The following ADAM32 variants were observed in gnomAD, a reference collection of about 807,000 sequenced individuals.
ADAM32 encodes disintegrin and metalloproteinase domain-containing protein 32.
A neutral mutation model predicts 114.9 loss-of-function variants in ADAM32; 89 were observed. That is an observed-to-expected ratio of 0.77 (90% CI 0.65 to 0.92). The LOEUF (loss-of-function observed/expected upper bound fraction) is 0.92. Among genes scored for constraint, ADAM32 ranks in the 40% least tolerant of loss-of-function variants. The probability of loss-of-function intolerance (pLI) is 0.00; values close to 1 mark genes in which losing one functional copy is unlikely to be tolerated. For missense variants in ADAM32, 870 were observed against 932.8 expected, an observed-to-expected ratio of 0.93 and a Z score of 0.88; for synonymous variants, 285 against 307.5, an observed-to-expected ratio of 0.93 and a Z score of 0.77.
chr8:39,194,942 A>G (rs1423450443), intron 11 of ADAM32, among the ~76,000 whole-genome samples: 2 of 152,144 alleles, frequency 1.3e-5, no homozygotes, highest in Non-Finnish European at 2.9e-5. Context: ...CTCCTGGCCA[A>G]CTCAAGCATC....
chr8:39,222,985 A>G (rs982216483), intron 13 of ADAM32, 55 bp from the exon 14 acceptor site: 21 of 1,412,766 alleles, frequency 1.5e-5, no homozygotes, highest in Admixed American at 2.9e-5. Context: ...GTAAATATTA[A>G]CAAACAGTAA....
At chr8:39,144,789 A>G (rs1176188799) in intron 3 of ADAM32, among the ~76,000 whole-genome samples, 1 of 152,246 alleles carries the variant, frequency 6.6e-6, no homozygotes, top group African/African-American at 2.4e-5. Context: ...TATTCAACAT[A>G]GTATTGGAAG....
At chr8:39,233,775 C>T (rs191801614) in intron 15 of ADAM32, 124 bp from the exon 16 acceptor site, 112 of 596,732 alleles carry the variant, frequency 1.9e-4, no homozygotes, top group Admixed American at 1.6e-3. Flanking sequence ...AAAACATTAA[C>T]GTTTTCTGTA....
intron 1 of ADAM32, among the ~76,000 whole-genome samples, chr8:39,116,252 T>G (rs1036173917): frequency 1.3e-5 from 2 of 152,192 alleles, no homozygotes; most frequent in Non-Finnish European, 2.9e-5. Flanking sequence ...TTTAGAATAG[T>G]TTTTTCTAAT....
chr8:39,188,762 G>A (rs373075663), intron 11 of ADAM32, among the ~76,000 whole-genome samples: 4 of 152,018 alleles, frequency 2.6e-5, no homozygotes, highest in African/African-American at 9.6e-5. Flanking sequence ...AAGTTCATGT[G>A]GTACTTTATA....
At chr8:39,284,390 C>CACACACACACGTACACACACAT (rs1813649356) in intron 24 of ADAM32, among the ~76,000 whole-genome samples, 1 of 151,884 alleles carries the variant, frequency 6.6e-6, no homozygotes. Flanking sequence ...CACACACACA[C>CACACACACACGTACACACACAT]ACACACACAC....
At chr8:39,270,741 C>A in intron 19 of ADAM32, 135 bp from the exon 20 acceptor site, 2 of 723,404 alleles carry the variant, frequency 2.8e-6, no homozygotes, top group South Asian at 1.8e-5. Context: ...GTTCATTGAC[C>A]TTTGGACAAT....
intron 23 of ADAM32, 37 bp from the exon 24 acceptor site, chr8:39,283,549 A>G (rs1283314321): frequency 6.6e-7 from 1 of 1,520,778 alleles, no homozygotes; most frequent in East Asian, 2.3e-5. Context: ...AGGTTGTATT[A>G]TATCAGCCTA....
intron 3 of ADAM32, among the ~76,000 whole-genome samples, chr8:39,138,944 A>G (rs1177452975): frequency 2.0e-5 from 3 of 152,106 alleles, no homozygotes; most frequent in Non-Finnish European, 4.4e-5. Context: ...GCATTTTTTC[A>G]TATGTCTGTT....
intron 16 of ADAM32, among the ~76,000 whole-genome samples, chr8:39,241,424 C>T (rs1251615730): frequency 6.6e-6 from 1 of 152,228 alleles, no homozygotes; most frequent in Non-Finnish European, 1.5e-5. Context: ...ATTTCCCTTC[C>T]ACACTGCTCT....
At chr8:39,231,379 G>GGGATT (rs57637359) in intron 14 of ADAM32, among the ~76,000 whole-genome samples, 151,733 of 152,208 alleles carry the variant, frequency 1, 75,632 homozygotes, top group Middle Eastern at 1. Context: ...ACCTCTGAAG[G>GGGATT]TAAACCTCAG....
chr8:39,152,544 A>G (rs1364291279), intron 6 of ADAM32, among the ~76,000 whole-genome samples: 2 of 151,706 alleles, frequency 1.3e-5, no homozygotes, highest in Non-Finnish European at 2.9e-5. Context: ...CAACATGGTG[A>G]AACCCCGTCT....
At chr8:39,138,744 A>G (rs1802960455) in intron 3 of ADAM32, among the ~76,000 whole-genome samples, 1 of 152,160 alleles carries the variant, frequency 6.6e-6, no homozygotes, top group Non-Finnish European at 1.5e-5. Flanking sequence ...TTGAGGAATC[A>G]CCACACTGTC....
intron 11 of ADAM32, among the ~76,000 whole-genome samples, chr8:39,190,165 C>CT (rs1176427282): frequency 6.6e-6 from 1 of 152,166 alleles, no homozygotes; most frequent in African/African-American, 2.4e-5. Context: ...CTGTGCCTGG[C>CT]TTTTTTCACT....
At chr8:39,278,306 T>TA (rs1165006878) in intron 22 of ADAM32, among the ~76,000 whole-genome samples, 1 of 101,378 alleles carries the variant, frequency 9.9e-6, no homozygotes, top group East Asian at 2.7e-4. Flanking sequence ...ATGGGTGGTT[T>TA]AGGTTGAGCA....
intron 2 of ADAM32, among the ~76,000 whole-genome samples, chr8:39,123,397 A>G (rs1179787239): frequency 1.3e-5 from 2 of 152,032 alleles, no homozygotes; most frequent in African/African-American, 2.4e-5. Context: ...ATTTAACTCT[A>G]TCTCCTTAAA....
chr8:39,283,553 C>G (rs1489220085), intron 23 of ADAM32, 33 bp from the exon 24 acceptor site: 1 of 1,536,104 alleles, frequency 6.5e-7, no homozygotes, highest in Admixed American at 1.8e-5. Flanking sequence ...TGTATTATAT[C>G]AGCCTAAAAA....
chr8:39,173,432 G>A (rs1805313856), intron 10 of ADAM32, among the ~76,000 whole-genome samples: 1 of 146,658 alleles, frequency 6.8e-6, no homozygotes, highest in Non-Finnish European at 1.5e-5. Context: ...GTGCTGTTGA[G>A]TTTTTTTTTT....
At chr8:39,169,774 C>A in intron 9 of ADAM32, 142 bp from the exon 10 acceptor site, 1 of 528,344 alleles carries the variant, frequency 1.9e-6, no homozygotes. Flanking sequence ...AAATTTGAAA[C>A]AATTGAGGAC....
Sources: allele counts gnomAD v4.1 joint callset (sites outside exome capture counted in the v4.1 genomes callset), GRCh38; gene constraint gnomAD v4.1.1; transcripts MANE v1.5; gene names NCBI Gene and HGNC (gene_info 2026-07-23, HGNC 2026-07-21).